Variants in PARD3B observed in about 807,000 individuals in gnomAD.
The protein encoded by PARD3B is partitioning defective 3 homolog B.
Under a neutral mutation model 130.2 loss-of-function variants are expected in PARD3B, and 103 were observed. That is an observed-to-expected ratio of 0.79 (90% CI 0.67 to 0.93). The LOEUF is 0.93. PARD3B is among the 40% of genes least tolerant of loss of function. PARD3B has a pLI of 0.00. For synonymous variants in PARD3B, 583 were observed against 553.2 expected (o/e 1.05, Z -0.76); for missense variants, 1,609 against 1,499.2 (o/e 1.07, Z -1.21).
intron 2 of PARD3B, among the ~76,000 whole-genome samples, chr2:204,762,182 C>G (rs953976329): frequency 7.5e-6 from 1 of 133,076 alleles, no homozygotes; most frequent in African/African-American, 2.9e-5. Flanking sequence ...AGTGCAGTGG[C>G]ACAATCTCGG....
At chr2:205,169,926 C>A (rs1238064925) in intron 11 of PARD3B, among the ~76,000 whole-genome samples, 1 of 144,184 alleles carries the variant, frequency 6.9e-6, no homozygotes, top group Non-Finnish European at 1.5e-5. Flanking sequence ...GTTGTTCCCC[C>A]CACCCTTTTT....
chr2:204,987,037 G>T (rs762991542), intron 3 of PARD3B, among the ~76,000 whole-genome samples: 11 of 152,178 alleles, frequency 7.2e-5, no homozygotes, highest in Non-Finnish European at 1.6e-4. Flanking sequence ...ACTCTCTCGT[G>T]TGGCTGTATA....
intron 2 of PARD3B, among the ~76,000 whole-genome samples, chr2:204,919,483 A>G (rs1052467495): frequency 6.6e-6 from 1 of 152,108 alleles, no homozygotes; most frequent in African/African-American, 2.4e-5. Context: ...GTAGAACTTC[A>G]TGTAAGTGAA....
chr2:205,088,992 G>A (rs1404813381), intron 4 of PARD3B, among the ~76,000 whole-genome samples: 6 of 151,584 alleles, frequency 4.0e-5, no homozygotes, highest in Non-Finnish European at 8.8e-5. Flanking sequence ...TAGTAGAGAC[G>A]GGGTTTCACC....
intron 12 of PARD3B, among the ~76,000 whole-genome samples, chr2:205,174,132 C>G (rs1239122855): frequency 1.3e-5 from 2 of 152,198 alleles, no homozygotes; most frequent in African/African-American, 4.8e-5. Context: ...AGTTGGCACA[C>G]TTTACTATTT....
chr2:205,157,596 A>G (rs2034256441), intron 10 of PARD3B, among the ~76,000 whole-genome samples: 2 of 152,150 alleles, frequency 1.3e-5, no homozygotes, highest in South Asian at 4.1e-4. Context: ...TTTTATAGTT[A>G]TATGTGACTG....
intron 2 of PARD3B, among the ~76,000 whole-genome samples, chr2:204,720,799 A>G (rs553514420): frequency 1.3e-5 from 2 of 152,202 alleles, no homozygotes; most frequent in Admixed American, 1.3e-4. Flanking sequence ...ACAAGATGGA[A>G]TGTTTATTTC....
chr2:204,970,586 G>C (rs1691619845), intron 3 of PARD3B, among the ~76,000 whole-genome samples: 1 of 151,946 alleles, frequency 6.6e-6, no homozygotes, highest in Non-Finnish European at 1.5e-5. Flanking sequence ...CCCTGCTATG[G>C]CCCCAATTAA....
rs199556934 is a variant in PARD3B at position 205,047,562 on chromosome 2, C to G, written c.395-19C>G. On this transcript the variant is annotated intron_variant, in intron 3 of 22. Coordinates refer to ENST00000406610, the MANE Select transcript of PARD3B (RefSeq NM_001302769.2). Reference sequence around the variant, plus strand: ...CCCCAGGGTTCTTTTGACCTCTCACCTCTCACTTTGTCTTCCAGGCACTCC... The same window carrying G: ...CCCCAGGGTTCTTTTGACCTCTCACGTCTCACTTTGTCTTCCAGGCACTCC... The G allele has an allele frequency of 1.3e-6, 2 of 1,520,640 alleles. No individual in the cohort carries two copies. The highest frequency in any genetic ancestry group is 4.9e-5 in the East Asian group (2 of 40,716). 94.2% of individuals were successfully genotyped at this position (1,520,640 alleles called of 1,614,324 possible). A position where few individuals can be genotyped will look rare whatever the true frequency, so the allele number is the denominator to read the frequency against.
chr2:204,557,004 G>A (rs1202699636), intron 1 of PARD3B, among the ~76,000 whole-genome samples: 3 of 148,666 alleles, frequency 2.0e-5, no homozygotes, highest in Admixed American at 2.0e-4. Context: ...GGGCTTTTCA[G>A]GATTTTTTTT....
chr2:205,306,656 G>A (rs1465607266), intron 18 of PARD3B, among the ~76,000 whole-genome samples: 1 of 152,038 alleles, frequency 6.6e-6, no homozygotes. Context: ...TAGCACCTCG[G>A]GCTTTGTTTC....
chr2:205,056,448 A>G (rs1397473299), intron 4 of PARD3B, among the ~76,000 whole-genome samples: 3 of 152,058 alleles, frequency 2.0e-5, no homozygotes, highest in African/African-American at 7.2e-5. Context: ...TAGCATCCTC[A>G]TAAGCAGCAT....
At chr2:204,679,952 T>G (rs181380713) in intron 1 of PARD3B, among the ~76,000 whole-genome samples, 1 of 152,080 alleles carries the variant, frequency 6.6e-6, no homozygotes. Flanking sequence ...TTACAAATGT[T>G]TAAGATTTTT....
intron 20 of PARD3B, among the ~76,000 whole-genome samples, chr2:205,491,350 T>C (rs1008408728): frequency 6.6e-6 from 1 of 152,216 alleles, no homozygotes; most frequent in Non-Finnish European, 1.5e-5. Context: ...CCCAGCACCA[T>C]TTATTAAATA....
chr2:204,930,904 A>C (rs1313499341), intron 2 of PARD3B, among the ~76,000 whole-genome samples: 1 of 152,078 alleles, frequency 6.6e-6, no homozygotes, highest in Admixed American at 6.6e-5. Flanking sequence ...ACCACGATGA[A>C]CACTTGAGTA....
At chr2:205,047,806 A>G in intron 4 of PARD3B, 116 bp downstream of exon 4, 2 of 675,108 alleles carry the variant, frequency 3.0e-6, no homozygotes, top group South Asian at 2.0e-5. Flanking sequence ...TTTTGATAGT[A>G]TATATAGTAT....
intron 3 of PARD3B, among the ~76,000 whole-genome samples, chr2:205,002,456 A>G (rs1559346189): frequency 6.6e-6 from 1 of 152,022 alleles, no homozygotes; most frequent in African/African-American, 2.4e-5. Context: ...AAAACATTTC[A>G]TTTTCCCAAG....
Position 205,607,831 on chromosome 2 carries a change from T to TACACACACAC in PARD3B, c.3261-7585_3261-7576dup, listed in dbSNP as rs776583001. On this transcript the variant is annotated intron_variant, in intron 22 of 22. Transcript: ENST00000406610. ...TGGAGGCCCTCTCCCCCAACACCCA[T>TACACACACAC]ACACACACACACACACACACACACA... Among the ~76,000 whole-genome samples, 706 of 116,176 alleles carry TACACACACAC rather than the reference T, an allele frequency of 6.1e-3. 13 individuals carry two copies. Among genetic ancestry groups the TACACACACAC allele is most frequent in the Admixed American group, 0.022 (266 of 12,080 alleles). The allele number at this position is 116,176 out of a possible 152,430, so 76.2% of individuals were successfully genotyped here.
intron 20 of PARD3B, among the ~76,000 whole-genome samples, chr2:205,485,371 C>A (rs1272333525): frequency 6.6e-6 from 1 of 152,134 alleles, no homozygotes; most frequent in Non-Finnish European, 1.5e-5. Context: ...TCCCATTTCC[C>A]CCATCTCCAG....
Sources: allele counts gnomAD v4.1 joint callset (sites outside exome capture counted in the v4.1 genomes callset), GRCh38; gene constraint gnomAD v4.1.1; transcripts MANE v1.5; gene names NCBI Gene and HGNC (gene_info 2026-07-23, HGNC 2026-07-21).